DTNB: variants seen among roughly 807,000 people sequenced by gnomAD.
The protein encoded by DTNB is DTN-B.
Under a neutral mutation model 90.7 loss-of-function variants are expected in DTNB, and 63 were observed. The ratio of observed to expected loss-of-function variants is 0.69; its 90% CI spans 0.57 to 0.86. The LOEUF is 0.86. Among genes scored for constraint, DTNB ranks in the 40% least tolerant of loss-of-function variants. The pLI, the probability that DTNB is intolerant of heterozygous loss-of-function variation, is 0.00. For synonymous variants in DTNB, 277 were observed against 286.7 expected (o/e 0.97, Z 0.34); for missense variants, 744 against 807.1 (o/e 0.92, Z 0.95).
At chr2:25,561,995 T>C (rs1460033612) in intron 8 of DTNB, among the ~76,000 whole-genome samples, 3 of 152,190 alleles carry the variant, frequency 2.0e-5, no homozygotes, top group Non-Finnish European at 2.9e-5. Context: ...CCATAACTAA[T>C]ATCTAATTTC....
At chr2:25,652,915 GCTGA>G (rs1574066121) in intron 1 of DTNB, 2 of 326,672 alleles carry the variant, frequency 6.1e-6, no homozygotes, top group African/African-American at 4.3e-5. Flanking sequence ...AAAATATGGG[GCTGA>G]CTTACTTCTA....
chr2:25,612,514 A>T (rs553977315), intron 4 of DTNB, among the ~76,000 whole-genome samples: 37 of 152,232 alleles, frequency 2.4e-4, no homozygotes, highest in African/African-American at 7.9e-4. Context: ...CCAACTTAAG[A>T]CACTAGAAAA....
In DTNB at chr2:25,455,794, G is replaced by A. The variant is rs116269387; in HGVS notation, c.1080-300C>T. Among the ~76,000 whole-genome samples, 558 of 152,280 alleles carry A rather than the reference G, an allele frequency of 3.7e-3. 5 individuals carry two copies. The highest frequency in any genetic ancestry group is 0.012 in the African/African-American group (518 of 41,568). ...GGAGCCGCATGTACCACTTTTGTTC[G>A]GGTGCTGCGCTCTGTGATGATGCAC... On this transcript the variant is annotated intron_variant, in intron 10 of 20. Transcript: ENST00000406818.
chr2:25,378,561 T>C (rs2036550164), intron 20 of DTNB, among the ~76,000 whole-genome samples: 1 of 131,858 alleles, frequency 7.6e-6, no homozygotes, highest in African/African-American at 2.8e-5. Context: ...GCCTAATTTT[T>C]AAATATAAGA....
chr2:25,639,216 G>T, intron 2 of DTNB, 122 bp from the exon 3 acceptor site: 1 of 909,792 alleles, frequency 1.1e-6, no homozygotes. Flanking sequence ...CTTAAAAACG[G>T]TGGGTCAATT....
At chr2:25,606,878 C>T (rs949365450) in intron 5 of DTNB, among the ~76,000 whole-genome samples, 7 of 152,032 alleles carry the variant, frequency 4.6e-5, no homozygotes, top group African/African-American at 1.4e-4. Context: ...TAAACCAGAC[C>T]GAACTCAGTA....
intron 4 of DTNB, among the ~76,000 whole-genome samples, chr2:25,608,280 C>T (rs897422452): frequency 5.9e-5 from 9 of 152,148 alleles, no homozygotes; most frequent in Non-Finnish European, 1.3e-4. Context: ...GGTTCTAATA[C>T]AGTGTTTCCC....
At chr2:25,572,065 T>A (rs2059951021) in intron 8 of DTNB, among the ~76,000 whole-genome samples, 1 of 152,178 alleles carries the variant, frequency 6.6e-6, no homozygotes, top group African/African-American at 2.4e-5. Context: ...GCAGAACACG[T>A]GCAGTCCAAT....
At chr2:25,575,557 G>A (rs1236172098) in intron 8 of DTNB, among the ~76,000 whole-genome samples, 2 of 152,118 alleles carry the variant, frequency 1.3e-5, no homozygotes, top group African/African-American at 4.8e-5. Context: ...TTTCAGAGAT[G>A]AAGGAACTAG....
chr2:25,459,269 C>T (rs2060552672), intron 10 of DTNB, among the ~76,000 whole-genome samples: 1 of 151,964 alleles, frequency 6.6e-6, no homozygotes, highest in African/African-American at 2.4e-5. Flanking sequence ...GACTGCCTGA[C>T]ATTATCCCAC....
intron 2 of DTNB, among the ~76,000 whole-genome samples, chr2:25,651,172 A>T (rs1212856951): frequency 6.6e-6 from 1 of 152,248 alleles, no homozygotes; most frequent in Non-Finnish European, 1.5e-5. Flanking sequence ...ATACTTAAGT[A>T]TGTGAGTGCC....
intron 10 of DTNB, among the ~76,000 whole-genome samples, chr2:25,482,153 A>T (rs1232099470): frequency 6.6e-6 from 1 of 152,214 alleles, no homozygotes; most frequent in Non-Finnish European, 1.5e-5. Context: ...GGGTCATGGA[A>T]CAGCTTATAC....
At chr2:25,591,169 G>A (rs140695846) in intron 6 of DTNB, among the ~76,000 whole-genome samples, 1,540 of 152,330 alleles carry the variant, frequency 0.01, 10 homozygotes, top group Non-Finnish European at 0.014. Flanking sequence ...GCCAGGCAGC[G>A]GGAGCAGACA....
At chr2:25,402,452 T>C (rs944352039) in intron 16 of DTNB, among the ~76,000 whole-genome samples, 1 of 152,170 alleles carries the variant, frequency 6.6e-6, no homozygotes, top group African/African-American at 2.4e-5. Flanking sequence ...TATTCTTATT[T>C]TCTATTTTTT....
chr2:25,418,292 C>T (rs940503507), intron 16 of DTNB, among the ~76,000 whole-genome samples: 1 of 152,184 alleles, frequency 6.6e-6, no homozygotes, highest in Admixed American at 6.5e-5. Context: ...CTACTGATCT[C>T]TTCTTTCCTT....
At chr2:25,648,763 T>C (rs1406466990) in intron 2 of DTNB, among the ~76,000 whole-genome samples, 1 of 152,064 alleles carries the variant, frequency 6.6e-6, no homozygotes, top group Non-Finnish European at 1.5e-5. Flanking sequence ...AGGAAAGACA[T>C]TCATCTCAAG....
chr2:25,389,803 C>T (rs1457634865), intron 16 of DTNB, among the ~76,000 whole-genome samples: 1 of 151,982 alleles, frequency 6.6e-6, no homozygotes, highest in African/African-American at 2.4e-5. Context: ...CCACCAAACT[C>T]AACAGAAATG....
chr2:25,620,418 C>T lies in DTNB; in HGVS notation c.362+7753G>A, dbSNP rs375506675. ...AGGAGAAGTCTCTCTGGACTTGTTA[C>T]TACTTCTCTCTGTTTCAGAAGAAAA... On this transcript the variant is annotated intron_variant, in intron 4 of 20. Transcript: ENST00000406818. Among the ~76,000 whole-genome samples the T allele has an allele frequency of 3.9e-5, 6 of 152,254 alleles. No individual in the cohort carries two copies. The South Asian group carries it at 1.0e-3, about 26-fold the overall frequency.
chr2:25,430,272 T>C (rs963730599), intron 14 of DTNB, among the ~76,000 whole-genome samples: 4 of 152,178 alleles, frequency 2.6e-5, no homozygotes, highest in Non-Finnish European at 4.4e-5. Flanking sequence ...CAAAACCAGA[T>C]TATAAGTTTT....
Sources: allele counts gnomAD v4.1 joint callset (sites outside exome capture counted in the v4.1 genomes callset), GRCh38; gene constraint gnomAD v4.1.1; transcripts MANE v1.5; gene names NCBI Gene and HGNC (gene_info 2026-07-23, HGNC 2026-07-21).